Variants in CAMK1D observed in about 807,000 individuals in gnomAD.
CAMK1D encodes calcium/calmodulin dependent protein kinase ID.
In CAMK1D, 9 loss-of-function variants were observed where a neutral mutation model predicts 47.7. That is an observed-to-expected ratio of 0.19 (90% CI 0.11 to 0.33). The LOEUF (loss-of-function observed/expected upper bound fraction) is 0.33, where lower values mean the gene tolerates loss of function less well. Among genes scored for constraint, CAMK1D ranks in the 10% least tolerant of loss-of-function variants. The pLI, the probability that CAMK1D is intolerant of heterozygous loss-of-function variation, is 1.00. For missense variants in CAMK1D, 291 were observed against 488.7 expected, an observed-to-expected ratio of 0.60 and a Z score of 3.81; for synonymous variants, 184 against 184.9, an observed-to-expected ratio of 0.99 and a Z score of 0.04.
At chr10:12,357,939 G>T (rs908760665) in intron 1 of CAMK1D, among the ~76,000 whole-genome samples, 1 of 151,980 alleles carries the variant, frequency 6.6e-6, no homozygotes, top group Non-Finnish European at 1.5e-5. Context: ...TTAGATCAAA[G>T]GTCACCTCCA....
rs1352839133 is a variant in CAMK1D, at chr10:12,504,131, G to GTGTC, written c.93-49091_93-49090insCTGT. 1.6e-4 allele frequency among the ~76,000 whole-genome samples: 18 copies of GTGTC among 113,554 alleles called. 1 individual carries two copies. In the East Asian group the frequency reaches 6.3e-3, roughly 39 times the overall value. The allele number at this position is 113,554 out of a possible 152,430, so 74.5% of individuals were successfully genotyped here. On this transcript the variant is annotated intron_variant, in intron 1 of 10. Transcript: ENST00000619168. Reference sequence around the variant, plus strand: ...TGGGTGTGTGTGTGTGTGTGTGTCTGTGTGTGTGTGTGTGTGTGTGATGTA... The same window carrying GTGTC: ...TGGGTGTGTGTGTGTGTGTGTGTCTGTGTCTGTGTGTGTGTGTGTGTGTGATGTA...
chr10:12,652,222 A>G (rs1295332105), intron 2 of CAMK1D, among the ~76,000 whole-genome samples: 1 of 151,972 alleles, frequency 6.6e-6, no homozygotes, highest in African/African-American at 2.4e-5. Flanking sequence ...CCTTGCCCCC[A>G]TCTTTATTCT....
intron 3 of CAMK1D, among the ~76,000 whole-genome samples, chr10:12,687,721 A>G (rs1832717459): frequency 6.6e-6 from 1 of 152,258 alleles, no homozygotes; most frequent in African/African-American, 2.4e-5. Flanking sequence ...AAGCAAAGCC[A>G]GATCTCTCAA....
chr10:12,777,973 C>A (rs1162755457), intron 5 of CAMK1D, among the ~76,000 whole-genome samples: 1 of 152,214 alleles, frequency 6.6e-6, no homozygotes, highest in African/African-American at 2.4e-5. Flanking sequence ...ACCACACTGT[C>A]CCCTGGGCCC....
intron 1 of CAMK1D, among the ~76,000 whole-genome samples, chr10:12,421,427 A>G (rs532685419): frequency 6.6e-6 from 1 of 150,790 alleles, no homozygotes; most frequent in East Asian, 2.0e-4. Flanking sequence ...AGCCAGAATG[A>G]TCAAACCATA....
intron 1 of CAMK1D, among the ~76,000 whole-genome samples, chr10:12,548,054 C>T (rs533717760): frequency 1.3e-5 from 2 of 152,316 alleles, no homozygotes; most frequent in South Asian, 2.1e-4. Context: ...CCTGTATCAG[C>T]CCAGCGTGAC....
chr10:12,435,375 T>C (rs764039462), intron 1 of CAMK1D, among the ~76,000 whole-genome samples: 1 of 152,132 alleles, frequency 6.6e-6, no homozygotes, highest in African/African-American at 2.4e-5. Flanking sequence ...TCCGTGGTTT[T>C]CTTACCTCAC....
At chr10:12,748,920 G>A (rs530027009) in intron 3 of CAMK1D, among the ~76,000 whole-genome samples, 1 of 152,318 alleles carries the variant, frequency 6.6e-6, no homozygotes, top group East Asian at 1.9e-4. Flanking sequence ...GATGAAAACA[G>A]ATGAAGAAAT....
intron 3 of CAMK1D, among the ~76,000 whole-genome samples, chr10:12,718,461 A>T (rs766604992): frequency 5.9e-5 from 9 of 152,208 alleles, no homozygotes; most frequent in Non-Finnish European, 1.0e-4. Flanking sequence ...TGGGAATCTT[A>T]TGGCTAAAAG....
At chr10:12,571,476 A>G (rs865864609) in intron 2 of CAMK1D, among the ~76,000 whole-genome samples, 7 of 148,530 alleles carry the variant, frequency 4.7e-5, no homozygotes, top group Non-Finnish European at 9.1e-5. Context: ...AAAAAAGAAA[A>G]AAAAGAAATA....
intron 2 of CAMK1D, among the ~76,000 whole-genome samples, chr10:12,619,080 A>G (rs1351354521): frequency 6.6e-6 from 1 of 152,258 alleles, no homozygotes; most frequent in African/African-American, 2.4e-5. Context: ...TGCATGTAGC[A>G]GGAGCTCAAT....
chr10:12,799,097 A>G (rs1838315666), intron 6 of CAMK1D, among the ~76,000 whole-genome samples: 1 of 152,202 alleles, frequency 6.6e-6, no homozygotes, highest in Admixed American at 6.5e-5. Flanking sequence ...CCAGCAAGTC[A>G]GGGAAACCCT....
chr10:12,439,060 G>T (rs1832711119), intron 1 of CAMK1D, among the ~76,000 whole-genome samples: 1 of 152,128 alleles, frequency 6.6e-6, no homozygotes, highest in Non-Finnish European at 1.5e-5. Context: ...CCCGTCACGT[G>T]TGGGAGACTG....
chr10:12,510,672 C>CA (rs1375285588), intron 1 of CAMK1D, among the ~76,000 whole-genome samples: 6 of 152,150 alleles, frequency 3.9e-5, no homozygotes, highest in Non-Finnish European at 7.3e-5. Flanking sequence ...CAGTGCTTCC[C>CA]AAGAGTCACC....
chr10:12,478,807 G>A (rs753656208), intron 1 of CAMK1D, among the ~76,000 whole-genome samples: 1 of 152,020 alleles, frequency 6.6e-6, no homozygotes, highest in African/African-American at 2.4e-5. Flanking sequence ...CCTTTAAACC[G>A]CTTCCCTGTT....
At chr10:12,804,656 G>C (rs1039373942) in intron 6 of CAMK1D, among the ~76,000 whole-genome samples, 3 of 151,448 alleles carry the variant, frequency 2.0e-5, no homozygotes, top group African/African-American at 7.3e-5. Flanking sequence ...GATACAGGCT[G>C]AGTATGATGG....
intron 2 of CAMK1D, among the ~76,000 whole-genome samples, chr10:12,662,744 C>T (rs925746419): frequency 5.9e-5 from 9 of 151,970 alleles, no homozygotes; most frequent in African/African-American, 2.2e-4. Context: ...CAGTAATTAA[C>T]TATGTGCCAT....
intron 1 of CAMK1D, among the ~76,000 whole-genome samples, chr10:12,460,818 C>T (rs897077720): frequency 6.6e-6 from 1 of 152,176 alleles, no homozygotes; most frequent in Admixed American, 6.5e-5. Flanking sequence ...CCTCCCACCT[C>T]AGCCTCCCAA....
Position 12,658,331 on chromosome 10 carries a change from C to T in CAMK1D, c.225-8405C>T, listed in dbSNP as rs1201070720. 2.1e-5 allele frequency among the ~76,000 whole-genome samples: 3 copies of T among 143,694 alleles called. No individual in the cohort carries two copies. In the East Asian group the frequency reaches 6.3e-4, roughly 30 times the overall value. 94.3% of individuals were successfully genotyped at this position (143,694 alleles called of 152,430 possible). A position where few individuals can be genotyped will look rare whatever the true frequency, so the allele number is the denominator to read the frequency against. ...CGAAGGTGTGCATGGCTGGGGAGGGCGGGGTGTGCGAGACCTGCCGGGGTT... is the reference window on the plus strand; with the variant it reads ...CGAAGGTGTGCATGGCTGGGGAGGGTGGGGTGTGCGAGACCTGCCGGGGTT... On this transcript the variant is annotated intron_variant, in intron 2 of 10. Transcript: ENST00000619168.
Sources: gnomAD v4.1 joint callset for allele counts (sites outside exome capture counted in the v4.1 genomes callset) on GRCh38, gnomAD v4.1.1 for gene constraint, MANE v1.5 for transcripts, NCBI Gene and HGNC (gene_info 2026-07-23, HGNC 2026-07-21) for gene names.